Variants in AFF3 observed in about 807,000 individuals in gnomAD.
AFF3 encodes AF4/FMR2 family member 3.
In AFF3, 32 loss-of-function variants were observed where a neutral mutation model predicts 129.7. That is an observed-to-expected ratio of 0.25 (90% CI 0.19 to 0.33). AFF3 has a LOEUF of 0.33. AFF3 is among the 10% of genes least tolerant of loss of function. The pLI, the probability that AFF3 is intolerant of heterozygous loss-of-function variation, is 1.00. For synonymous variants in AFF3, 644 were observed against 635.4 expected (o/e 1.01, Z -0.20); for missense variants, 1,373 against 1,592.0 (o/e 0.86, Z 2.34).
intron 13 of AFF3, among the ~76,000 whole-genome samples, chr2:99,618,957 G>T (rs946013038): frequency 6.6e-5 from 10 of 151,924 alleles, no homozygotes; most frequent in African/African-American, 2.4e-4. Context: ...ATGTTGGCCA[G>T]GGTTGTCTAG....
intron 4 of AFF3, among the ~76,000 whole-genome samples, chr2:100,027,922 T>C (rs1337951102): frequency 1.3e-5 from 2 of 152,218 alleles, no homozygotes; most frequent in Admixed American, 1.3e-4. Context: ...TAGTATCTCA[T>C]TACTTTACTA....
At chr2:99,641,463 A>G (rs574648271) in intron 13 of AFF3, among the ~76,000 whole-genome samples, 6 of 152,276 alleles carry the variant, frequency 3.9e-5, no homozygotes, top group African/African-American at 1.4e-4. Context: ...GGATCACCTG[A>G]GGTCAGGAGT....
chr2:100,085,044 C>T (rs1689311492), intron 4 of AFF3, among the ~76,000 whole-genome samples: 1 of 152,022 alleles, frequency 6.6e-6, no homozygotes, highest in Admixed American at 6.6e-5. Flanking sequence ...TTATCAGTTT[C>T]TGTCTCAACT....
chr2:99,757,039 T>C (rs1682162945), intron 8 of AFF3, among the ~76,000 whole-genome samples: 1 of 152,218 alleles, frequency 6.6e-6, no homozygotes, highest in Admixed American at 6.5e-5. Flanking sequence ...TCCCACGCTG[T>C]CCTCCTGGCC....
At chr2:99,641,134 G>C (rs187474558) in intron 13 of AFF3, among the ~76,000 whole-genome samples, 2 of 152,272 alleles carry the variant, frequency 1.3e-5, no homozygotes, top group East Asian at 3.9e-4. Flanking sequence ...GATGCTTCCT[G>C]TCCTCCACAT....
intron 7 of AFF3, among the ~76,000 whole-genome samples, chr2:99,929,187 C>A (rs1696496168): frequency 6.6e-6 from 1 of 152,072 alleles, no homozygotes; most frequent in Admixed American, 6.5e-5. Flanking sequence ...ATTAGCCAAG[C>A]ATGGTGGCAC....
At chr2:99,908,910 G>C (rs566556621) in intron 7 of AFF3, among the ~76,000 whole-genome samples, 2 of 151,164 alleles carry the variant, frequency 1.3e-5, no homozygotes, top group Non-Finnish European at 1.5e-5. Context: ...TGTGGAAGTC[G>C]GTGTGGCGAT....
At chr2:99,808,701 A>G (rs944099079) in intron 8 of AFF3, among the ~76,000 whole-genome samples, 2 of 152,248 alleles carry the variant, frequency 1.3e-5, no homozygotes, top group Admixed American at 6.5e-5. Flanking sequence ...CACAATTGCA[A>G]TAACTGCATT....
chr2:99,681,142 T>C (rs1029764921), intron 11 of AFF3, among the ~76,000 whole-genome samples: 2 of 152,194 alleles, frequency 1.3e-5, no homozygotes, highest in Admixed American at 1.3e-4. Flanking sequence ...CACAGCAATG[T>C]TGGGACCCAC....
chr2:99,957,340 G>T (rs1444167587), intron 7 of AFF3, among the ~76,000 whole-genome samples: 1 of 152,182 alleles, frequency 6.6e-6, no homozygotes, highest in Non-Finnish European at 1.5e-5. Context: ...TAACACCTTA[G>T]GGTTGCATGC....
chr2:99,986,602 A>G (rs1679897609), intron 7 of AFF3, among the ~76,000 whole-genome samples: 1 of 152,192 alleles, frequency 6.6e-6, no homozygotes. Context: ...TTAAACCTGT[A>G]ATTTTCAGTC....
At chr2:99,933,959 G>A (rs1304271675) in intron 7 of AFF3, among the ~76,000 whole-genome samples, 2 of 152,096 alleles carry the variant, frequency 1.3e-5, no homozygotes, top group African/African-American at 4.8e-5. Context: ...ACCATCCCTG[G>A]GTCCCCGTAG....
intron 10 of AFF3, among the ~76,000 whole-genome samples, chr2:99,729,101 T>C (rs2105014386): frequency 6.6e-6 from 1 of 152,328 alleles, no homozygotes; most frequent in East Asian, 1.9e-4. Context: ...TGAAACTGGT[T>C]ACTTTCCCCA....
chr2:99,958,205 A>T (rs1415331998), intron 7 of AFF3, among the ~76,000 whole-genome samples: 1 of 152,116 alleles, frequency 6.6e-6, no homozygotes, highest in Non-Finnish European at 1.5e-5. Context: ...AAACTGGGGG[A>T]TACAGGCAGG....
intron 18 of AFF3, among the ~76,000 whole-genome samples, chr2:99,570,369 A>G (rs916967567): frequency 3.9e-5 from 6 of 151,968 alleles, no homozygotes; most frequent in Non-Finnish European, 7.4e-5. Flanking sequence ...AAAGGTTCTC[A>G]CTCTGTCGCC....
intron 14 of AFF3, among the ~76,000 whole-genome samples, chr2:99,595,258 T>C (rs1017676885): frequency 6.6e-6 from 1 of 152,238 alleles, no homozygotes; most frequent in Non-Finnish European, 1.5e-5. Flanking sequence ...AGCATTATGA[T>C]AATTAAGAGA....
At chr2:99,599,808 A>G (rs1220566994) in intron 14 of AFF3, among the ~76,000 whole-genome samples, 1 of 152,216 alleles carries the variant, frequency 6.6e-6, no homozygotes, top group Non-Finnish European at 1.5e-5. Flanking sequence ...TATAGCATAA[A>G]GCAGGCTTTA....
chr2:99,658,536 G>C (rs1685955153), intron 12 of AFF3, among the ~76,000 whole-genome samples: 2 of 152,182 alleles, frequency 1.3e-5, no homozygotes, highest in Non-Finnish European at 2.9e-5. Context: ...TTTTAGTAGA[G>C]ATGGGGTTTC....
chr2:100,009,673 C>G (rs2104760143), intron 4 of AFF3, among the ~76,000 whole-genome samples: 1 of 152,202 alleles, frequency 6.6e-6, no homozygotes, highest in South Asian at 2.1e-4. Flanking sequence ...TATGAAGTGG[C>G]CAGGCACCAG....
Sources: gnomAD v4.1 joint callset for allele counts (sites outside exome capture counted in the v4.1 genomes callset) on GRCh38, gnomAD v4.1.1 for gene constraint, MANE v1.5 for transcripts, NCBI Gene and HGNC (gene_info 2026-07-23, HGNC 2026-07-21) for gene names.